Variants in PAN3 observed in about 807,000 individuals in gnomAD.
The protein encoded by PAN3 is PAN2-PAN3 deadenylation complex subunit PAN3.
Under a neutral mutation model 96.2 loss-of-function variants are expected in PAN3, and 19 were observed. That is an observed-to-expected ratio of 0.20 (90% CI 0.14 to 0.29). PAN3 has a LOEUF of 0.29. Ranked by LOEUF, PAN3 falls within the 10% of genes least tolerant of loss-of-function variation. The pLI is 1.00. For missense variants in PAN3, 882 were observed against 1,108.1 expected (o/e 0.80, Z 2.90); for synonymous variants, 433 against 406.6 (o/e 1.06, Z -0.78).
chr13:28,246,271 G>A (rs1884176251), intron 6 of PAN3, among the ~76,000 whole-genome samples: 1 of 151,884 alleles, frequency 6.6e-6, no homozygotes, highest in Non-Finnish European at 1.5e-5. Context: ...AAATCATTGT[G>A]TGGTTTTTAT....
chr13:28,169,700 A>G (rs182071316), intron 1 of PAN3, among the ~76,000 whole-genome samples: 2 of 152,226 alleles, frequency 1.3e-5, no homozygotes, highest in Non-Finnish European at 2.9e-5. Flanking sequence ...CTCCCTTCCA[A>G]AACAAGAAAA....
At chr13:28,210,858 A>G (rs901757946) in intron 5 of PAN3, among the ~76,000 whole-genome samples, 5 of 151,922 alleles carry the variant, frequency 3.3e-5, no homozygotes, top group Non-Finnish European at 7.4e-5. Flanking sequence ...AACACTGGAG[A>G]CTAGTAAAAT....
At chr13:28,161,783 C>G (rs1872911462) in intron 1 of PAN3, among the ~76,000 whole-genome samples, 1 of 152,156 alleles carries the variant, frequency 6.6e-6, no homozygotes, top group Non-Finnish European at 1.5e-5. Context: ...TTGCTGTTTT[C>G]TGACAGTTTG....
rs1566271175 is a variant in PAN3, at chr13:28,295,324, TAC to T, written c.*2804_*2805del. 6.6e-6 allele frequency: 1 copy of T among 152,214 alleles called. No individual in the cohort carries two copies. The highest frequency in any genetic ancestry group is 1.9e-4 in the East Asian group (1 of 5,200). 9.4% of individuals were successfully genotyped at this position (152,214 alleles called of 1,614,324 possible). On this transcript the variant is annotated 3_prime_UTR_variant, in exon 19 of 19. Coordinates refer to ENST00000380958, the MANE Select transcript of PAN3 (RefSeq NM_175854.8). ...TACAGCAGTATTTTTAATAAAGAAT[TAC>T]AGAGATAAATTTGTCCTTTTCTTGC...
intron 1 of PAN3, among the ~76,000 whole-genome samples, chr13:28,144,714 T>TCAA (rs1870379682): frequency 4.2e-5 from 4 of 96,284 alleles, no homozygotes; most frequent in Non-Finnish European, 7.7e-5. Context: ...AACCAAAACA[T>TCAA]CATCTTTTTT....
intron 14 of PAN3, among the ~76,000 whole-genome samples, chr13:28,275,844 C>T (rs1000437529): frequency 1.3e-5 from 2 of 152,116 alleles, no homozygotes; most frequent in African/African-American, 4.8e-5. Flanking sequence ...CTAATAGATT[C>T]AAAGTAGTTT....
At chr13:28,186,826 T>C (rs987302092) in intron 4 of PAN3, among the ~76,000 whole-genome samples, 3 of 152,044 alleles carry the variant, frequency 2.0e-5, no homozygotes, top group African/African-American at 7.2e-5. Context: ...ACTGTTAATA[T>C]AATGAATGCA....
At chr13:28,211,914 C>T (rs1880081656) in intron 5 of PAN3, among the ~76,000 whole-genome samples, 1 of 152,178 alleles carries the variant, frequency 6.6e-6, no homozygotes, top group African/African-American at 2.4e-5. Flanking sequence ...AGGGGGACAT[C>T]AGGTGGAGCC....
At chr13:28,152,050 G>A (rs1261767862) in intron 1 of PAN3, among the ~76,000 whole-genome samples, 2 of 152,018 alleles carry the variant, frequency 1.3e-5, no homozygotes. Context: ...AAATCAGTAG[G>A]CTATTTTCTT....
intron 5 of PAN3, among the ~76,000 whole-genome samples, chr13:28,199,471 C>G (rs1245293125): frequency 1.3e-5 from 2 of 152,138 alleles, no homozygotes; most frequent in African/African-American, 4.8e-5. Context: ...TTATTTTATA[C>G]TTCAGGTAGT....
intron 1 of PAN3, among the ~76,000 whole-genome samples, chr13:28,162,354 C>T (rs1221048216): frequency 6.6e-6 from 1 of 152,178 alleles, no homozygotes; most frequent in East Asian, 1.9e-4. Flanking sequence ...GTACTGTCAT[C>T]TGGCATCTCT....
chr13:28,190,945 G>A (rs945462984), intron 4 of PAN3, among the ~76,000 whole-genome samples: 69 of 152,336 alleles, frequency 4.5e-4, no homozygotes, highest in African/African-American at 1.6e-3. Context: ...TTATCAATAG[G>A]ATGTGGCATT....
intron 1 of PAN3, among the ~76,000 whole-genome samples, chr13:28,154,685 A>G (rs1871860879): frequency 6.6e-6 from 1 of 151,656 alleles, no homozygotes; most frequent in Admixed American, 6.6e-5. Context: ...TAGTAGAGAC[A>G]GGGTTTCGTC....
intron 1 of PAN3, among the ~76,000 whole-genome samples, chr13:28,153,762 C>T (rs1360606691): frequency 6.6e-6 from 1 of 152,112 alleles, no homozygotes; most frequent in Non-Finnish European, 1.5e-5. Context: ...TAGCTTACTA[C>T]AAGATTTAGC....
intron 4 of PAN3, among the ~76,000 whole-genome samples, chr13:28,178,357 C>T (rs897216222): frequency 6.6e-6 from 1 of 152,102 alleles, no homozygotes; most frequent in Non-Finnish European, 1.5e-5. Flanking sequence ...AAATTTTCAA[C>T]ATTTCATAAT....
chr13:28,259,696 T>C (rs899647905), intron 7 of PAN3, among the ~76,000 whole-genome samples: 1 of 152,070 alleles, frequency 6.6e-6, no homozygotes, highest in Non-Finnish European at 1.5e-5. Flanking sequence ...TGGAGTACAA[T>C]GGCACAATCT....
chr13:28,243,140 G>A (rs74041602), intron 6 of PAN3, among the ~76,000 whole-genome samples: 435 of 152,164 alleles, frequency 2.9e-3, no homozygotes, highest in African/African-American at 0.01. Context: ...GCTGGCTAGG[G>A]CCTTTAGTAC....
intron 17 of PAN3, 124 bp from the exon 18 acceptor site, chr13:28,287,860 C>A (rs1593642399): frequency 1.2e-6 from 1 of 863,864 alleles, no homozygotes; most frequent in East Asian, 2.8e-5. Context: ...AACACTGTAC[C>A]AGACTCCCTC....
chr13:28,170,753 A>G (rs1451354368), intron 1 of PAN3, among the ~76,000 whole-genome samples: 1 of 151,866 alleles, frequency 6.6e-6, no homozygotes, highest in East Asian at 1.9e-4. Context: ...AAATAACTAC[A>G]TTGTAAAGAA....
Sources: gnomAD v4.1 joint callset for allele counts (sites outside exome capture counted in the v4.1 genomes callset) on GRCh38, gnomAD v4.1.1 for gene constraint, MANE v1.5 for transcripts, NCBI Gene and HGNC (gene_info 2026-07-23, HGNC 2026-07-21) for gene names.